SBK1: variants seen among roughly 807,000 people sequenced by gnomAD.
SBK1 encodes serine/threonine-protein kinase SBK1.
Under a neutral mutation model 24.4 loss-of-function variants are expected in SBK1, and 11 were observed. The ratio of observed to expected loss-of-function variants is 0.45; its 90% confidence interval spans 0.28 to 0.75. SBK1 has a LOEUF of 0.75. Ranked by LOEUF, SBK1 falls within the 30% of genes least tolerant of loss-of-function variation. SBK1 has a pLI of 0.12. For missense variants in SBK1, 467 were observed against 620.5 expected, an observed-to-expected ratio of 0.75 and a Z score of 2.63; for synonymous variants, 308 against 284.4, an observed-to-expected ratio of 1.08 and a Z score of -0.83.
chr16:28,289,552 G>T (rs762911457), upstream of SBK1, among the ~76,000 whole-genome samples: 172 of 152,214 alleles, frequency 1.1e-3, 1 homozygote, highest in Non-Finnish European at 2.2e-3. Flanking sequence ...GCTCACCTGA[G>T]GTCGGGAGTT....
Position 28,305,411 on chromosome 16 carries a change from C to T in SBK1, c.-7-11974C>T, listed in dbSNP as rs141007384. ...ACTTTTAGTAGAGACAGGGTTTCAC[C>T]GTGTTGGTCAGGCTGGTCTCAAACT... is the stretch of plus-strand genomic sequence containing the variant. On this transcript the variant is annotated intron_variant, in intron 1 of 3. Coordinates refer to ENST00000341901, the MANE Select transcript of SBK1 (RefSeq NM_001024401.3). Among the ~76,000 whole-genome samples the T allele has an allele frequency of 5.0e-3, 764 of 152,030 alleles. 8 individuals are homozygous for T. Among genetic ancestry groups the T allele is most frequent in the African/African-American group, 0.018 (740 of 41,460 alleles).
At chr16:28,264,632 C>T (rs1167093435) in intron 1 of SBK1, among the ~76,000 whole-genome samples, 1 of 151,798 alleles carries the variant, frequency 6.6e-6, no homozygotes, top group Non-Finnish European at 1.5e-5. Flanking sequence ...GTGAGGTGTC[C>T]AAGTGAAGAT....
chr16:28,312,417 G>A (rs1373005268), intron 1 of SBK1, among the ~76,000 whole-genome samples: 7 of 152,200 alleles, frequency 4.6e-5, no homozygotes, highest in Non-Finnish European at 1.0e-4. Flanking sequence ...AGACGATCAC[G>A]CGGAGATGTC....
intron 1 of SBK1, among the ~76,000 whole-genome samples, chr16:28,266,065 C>T (rs942240375): frequency 2.6e-5 from 4 of 151,982 alleles, no homozygotes; most frequent in African/African-American, 9.7e-5. Context: ...TTCTCTGTAT[C>T]CTAAAGCCCC....
At chr16:28,279,413 C>CAAAAAA (rs34582546) in intron 1 of SBK1, among the ~76,000 whole-genome samples, 7 of 84,760 alleles carry the variant, frequency 8.3e-5, no homozygotes, top group Admixed American at 4.7e-4. Context: ...AAAACAAAAC[C>CAAAAAA]AAAAAAAAAA....
intron 1 of SBK1, among the ~76,000 whole-genome samples, chr16:28,306,213 C>T (rs2044715581): frequency 6.6e-6 from 1 of 152,106 alleles, no homozygotes; most frequent in South Asian, 2.1e-4. Flanking sequence ...CAGGACACAG[C>T]TGTGCCGCTG....
chr16:28,265,623 T>A (rs1326817682), intron 1 of SBK1, among the ~76,000 whole-genome samples: 2 of 151,700 alleles, frequency 1.3e-5, no homozygotes, highest in Admixed American at 6.6e-5. Flanking sequence ...AATAATTTTT[T>A]AAAAAAGAAA....
chr16:28,274,275 C>G (rs938022679), intron 1 of SBK1, among the ~76,000 whole-genome samples: 2 of 152,160 alleles, frequency 1.3e-5, no homozygotes, highest in African/African-American at 4.8e-5. Context: ...CACGCTGATA[C>G]AAGATGTTAA....
Position 28,280,149 on chromosome 16 carries a change from A to ATGTGTGTGTG in SBK1, c.257+20661_257+20670dup, listed in dbSNP as rs71380914. Among the ~76,000 whole-genome samples the ATGTGTGTGTG allele has an allele frequency of 1.3e-3, 50 of 39,410 alleles. 1 individual carries two copies. The highest frequency in any genetic ancestry group is 3.7e-3 in the African/African-American group (45 of 12,144). The allele number at this position is 39,410 out of a possible 152,430, so 25.9% of individuals were successfully genotyped here. The stretch of plus-strand genomic sequence containing the variant: ...TATATATATATATATATATATATAT[A>ATGTGTGTGTG]TGTGTGTGTGTGTGTGTGTGTGTAT... On this transcript the variant is annotated intron_variant, in intron 1 of 3. Transcript: ENST00000671413.
chr16:28,266,509 A>G (rs1597008353), intron 1 of SBK1, among the ~76,000 whole-genome samples: 2 of 152,152 alleles, frequency 1.3e-5, no homozygotes, highest in Admixed American at 6.6e-5. Flanking sequence ...ACGGTTTTAT[A>G]TGTCAAAACT....
chr16:28,266,937 C>T (rs2044432785), intron 1 of SBK1, among the ~76,000 whole-genome samples: 1 of 151,694 alleles, frequency 6.6e-6, no homozygotes, highest in South Asian at 2.1e-4. Flanking sequence ...GACAGAGTCT[C>T]ACTCTGTCGC....
intron 1 of SBK1, among the ~76,000 whole-genome samples, chr16:28,284,164 T>C (rs2044550909): frequency 6.6e-6 from 1 of 152,256 alleles, no homozygotes; most frequent in Non-Finnish European, 1.5e-5. Context: ...CTACCTGGGA[T>C]CACCTACCAA....
chr16:28,269,791 G>A (rs78330088), intron 1 of SBK1, among the ~76,000 whole-genome samples: 131 of 151,928 alleles, frequency 8.6e-4, no homozygotes, highest in African/African-American at 3.1e-3. Context: ...CACGAGAATC[G>A]CTTGAACTCG....
chr16:28,280,591 G>A (rs1421501907), intron 1 of SBK1, among the ~76,000 whole-genome samples: 1 of 151,936 alleles, frequency 6.6e-6, no homozygotes, highest in Non-Finnish European at 1.5e-5. Context: ...CCTCAGTGGT[G>A]ACTTCAGTCC....
intron 1 of SBK1, among the ~76,000 whole-genome samples, chr16:28,302,961 T>TTG (rs374255850): frequency 6.8e-6 from 1 of 146,252 alleles, no homozygotes; most frequent in Non-Finnish European, 1.5e-5. Context: ...GAGCAGGGCA[T>TTG]GGGGGGGGGT....
At chr16:28,280,210 T>A (rs1018961285) in intron 1 of SBK1, among the ~76,000 whole-genome samples, 3 of 136,168 alleles carry the variant, frequency 2.2e-5, no homozygotes, top group Non-Finnish European at 4.7e-5. Flanking sequence ...TATGTATATA[T>A]ACGTATACGC....
intron 1 of SBK1, among the ~76,000 whole-genome samples, chr16:28,316,331 C>T (rs1427319707): frequency 6.6e-6 from 1 of 152,174 alleles, no homozygotes; most frequent in Non-Finnish European, 1.5e-5. Flanking sequence ...TCGTAATATA[C>T]AACTGATGTG....
chr16:28,308,449 G>A (rs12920307), intron 1 of SBK1, among the ~76,000 whole-genome samples: 3 of 98,652 alleles, frequency 3.0e-5, no homozygotes, highest in Admixed American at 1.4e-4. Flanking sequence ...CCATGCTTGG[G>A]CTTTTTTTTT....
intron 1 of SBK1, among the ~76,000 whole-genome samples, chr16:28,294,923 C>G (rs1037277218): frequency 6.6e-6 from 1 of 152,256 alleles, no homozygotes; most frequent in East Asian, 1.9e-4. Context: ...TGACCTTGGG[C>G]AAGCACGTGG....
Sources: gnomAD v4.1 joint callset for allele counts (sites outside exome capture counted in the v4.1 genomes callset) on GRCh38, gnomAD v4.1.1 for gene constraint, MANE v1.5 for transcripts, NCBI Gene and HGNC (gene_info 2026-07-23, HGNC 2026-07-21) for gene names.